The following EEIG2 variants were observed in gnomAD, a reference collection of about 807,000 sequenced individuals.
EEIG2 encodes family with sequence similarity 102 member B.
chr1:108,621,384 A>G, the EEIG2 span, among the ~76,000 whole-genome samples: 124,909 of 152,210 alleles, frequency 0.82, 53,085 homozygotes, highest in Non-Finnish European at 0.94. Context: ...TTGCTTTACT[A>G]TCAGTCCCCA....
chr1:108,574,489 G>A, the EEIG2 span, among the ~76,000 whole-genome samples: 673 of 152,322 alleles, frequency 4.4e-3, 2 homozygotes, highest in African/African-American at 0.015. Context: ...GGTGGCTCAC[G>A]CCTGTAATCC....
At chr1:108,594,738 G>A in the EEIG2 span, among the ~76,000 whole-genome samples, 1 of 152,120 alleles carries the variant, frequency 6.6e-6, no homozygotes, top group Non-Finnish European at 1.5e-5. Context: ...AGTAGGTGAG[G>A]ACATGGAATT....
At chr1:108,613,805 C>A in the EEIG2 span, among the ~76,000 whole-genome samples, 1 of 151,960 alleles carries the variant, frequency 6.6e-6, no homozygotes, top group East Asian at 1.9e-4. Context: ...ACGAGCTAGC[C>A]TTGTGGACTA....
At chr1:108,628,301 A>G in the EEIG2 span, 1 of 1,612,950 alleles carries the variant, frequency 6.2e-7, no homozygotes, top group Non-Finnish European at 8.5e-7. Context: ...TTATTGTTCC[A>G]AAGGGACTTG....
At chr1:108,569,871 G>T in the EEIG2 span, among the ~76,000 whole-genome samples, 1 of 152,036 alleles carries the variant, frequency 6.6e-6, no homozygotes, top group Non-Finnish European at 1.5e-5. Flanking sequence ...ACCCATACGT[G>T]TCCAACCTAC....
At chr1:108,605,320 G>A in the EEIG2 span, among the ~76,000 whole-genome samples, 1 of 152,142 alleles carries the variant, frequency 6.6e-6, no homozygotes. Flanking sequence ...GATGTAGTGG[G>A]ATGGCCACAC....
chr1:108,563,663 C>T, the EEIG2 span, among the ~76,000 whole-genome samples: 1 of 152,122 alleles, frequency 6.6e-6, no homozygotes, highest in Non-Finnish European at 1.5e-5. Context: ...ACATGCAGAT[C>T]ATTTATTCTT....
chr1:108,564,173 CTAAGAT>C, the EEIG2 span, among the ~76,000 whole-genome samples: 1 of 151,648 alleles, frequency 6.6e-6, no homozygotes, highest in African/African-American at 2.4e-5. Flanking sequence ...AAAATTAAAC[CTAAGAT>C]TCTTGAACTG....
At chr1:108,585,534 C>A in the EEIG2 span, among the ~76,000 whole-genome samples, 2 of 152,172 alleles carry the variant, frequency 1.3e-5, no homozygotes, top group Admixed American at 6.6e-5. Flanking sequence ...AGGTCTGTGC[C>A]ACTCAAGGAA....
At chr1:108,612,315 A>G in the EEIG2 span, 13 of 1,497,278 alleles carry the variant, frequency 8.7e-6, no homozygotes, top group African/African-American at 1.4e-5. Flanking sequence ...TTCAGGATTT[A>G]CTTGTCAAGA....
chr1:108,560,582 G>T, the EEIG2 span: 3 of 1,605,488 alleles, frequency 1.9e-6, no homozygotes, highest in African/African-American at 1.3e-5. Context: ...CGCCTCCCGC[G>T]CCGCCTCGCC....
the EEIG2 span, chr1:108,560,590 G>C: frequency 6.2e-7 from 1 of 1,602,124 alleles, no homozygotes. Context: ...GCGCCGCCTC[G>C]CCCCTTTCTG....
chr1:108,624,144 TC>T, the EEIG2 span, among the ~76,000 whole-genome samples: 1 of 152,160 alleles, frequency 6.6e-6, no homozygotes, highest in African/African-American at 2.4e-5. Flanking sequence ...CTGTAGACTC[TC>T]CCTGGGCAGG....
chr1:108,602,130 C>T, the EEIG2 span, among the ~76,000 whole-genome samples: 1 of 152,272 alleles, frequency 6.6e-6, no homozygotes, highest in African/African-American at 2.4e-5. Flanking sequence ...TCAGTGAAGA[C>T]TTCTCTGAAA....
the EEIG2 span, among the ~76,000 whole-genome samples, chr1:108,604,409 G>T: frequency 1.3e-5 from 2 of 152,164 alleles, no homozygotes; most frequent in Non-Finnish European, 2.9e-5. Context: ...AAACATATAA[G>T]TGGTCATTAT....
chr1:108,563,406 A>G, the EEIG2 span, among the ~76,000 whole-genome samples: 1 of 152,196 alleles, frequency 6.6e-6, no homozygotes, highest in African/African-American at 2.4e-5. Flanking sequence ...TCATTGTAAT[A>G]AACCTTAGCC....
At chr1:108,617,457 G>C in the EEIG2 span, among the ~76,000 whole-genome samples, 1 of 152,208 alleles carries the variant, frequency 6.6e-6, no homozygotes, top group Admixed American at 6.5e-5. Flanking sequence ...TTGGGAGCTT[G>C]GGTGTTAGAC....
chr1:108,623,370 C>G, the EEIG2 span, among the ~76,000 whole-genome samples: 1 of 152,100 alleles, frequency 6.6e-6, no homozygotes, highest in East Asian at 1.9e-4. Flanking sequence ...TTCTGTGTGC[C>G]TATAGTCCCT....
chr1:108,618,761 T>C, the EEIG2 span, among the ~76,000 whole-genome samples: 8 of 150,278 alleles, frequency 5.3e-5, no homozygotes, highest in Non-Finnish European at 1.2e-4. Context: ...TGCTTGAGCC[T>C]GGGAAGTGGA....
Sources: allele counts gnomAD v4.1 joint callset (sites outside exome capture counted in the v4.1 genomes callset), GRCh38; gene constraint gnomAD v4.1.1; transcripts MANE v1.5; gene names NCBI Gene and HGNC (gene_info 2026-07-23, HGNC 2026-07-21).